The following ADAMTSL1 variants were observed in gnomAD, a reference collection of about 807,000 sequenced individuals.
The protein encoded by ADAMTSL1 is ADAMTS like 1, also known as ADAMTS-like protein 1.
Under a neutral mutation model 201.8 loss-of-function variants are expected in ADAMTSL1, and 126 were observed. The observed-to-expected ratio is 0.62, with a 90% CI of 0.54 to 0.72. The LOEUF (loss-of-function observed/expected upper bound fraction) is 0.72. Ranked by LOEUF, ADAMTSL1 falls within the 30% of genes least tolerant of loss-of-function variation. ADAMTSL1 has a pLI of 0.00. For missense variants in ADAMTSL1, 2,679 were observed against 2,277.8 expected, an observed-to-expected ratio of 1.18 and a Z score of -3.59; for synonymous variants, 1,121 against 903.4, an observed-to-expected ratio of 1.24 and a Z score of -4.32.
chr9:17,999,848 T>G (rs1183346805), intron 1 of ADAMTSL1, among the ~76,000 whole-genome samples: 1 of 149,978 alleles, frequency 6.7e-6, no homozygotes, highest in African/African-American at 2.5e-5. Context: ...AGTGAGAATA[T>G]GCGGTGTTTG....
intron 1 of ADAMTSL1, among the ~76,000 whole-genome samples, chr9:17,933,842 A>G (rs1459303660): frequency 1.3e-5 from 2 of 152,140 alleles, no homozygotes; most frequent in Non-Finnish European, 2.9e-5. Flanking sequence ...CCCTCTTTGA[A>G]CAATGGGGAT....
intron 1 of ADAMTSL1, among the ~76,000 whole-genome samples, chr9:17,963,282 A>T (rs535839754): frequency 4.5e-4 from 68 of 152,264 alleles, no homozygotes; most frequent in African/African-American, 1.6e-3. Flanking sequence ...TTGCTTTATC[A>T]TATATTTATT....
intron 2 of ADAMTSL1, among the ~76,000 whole-genome samples, chr9:18,168,274 C>T (rs1827723816): frequency 6.6e-6 from 1 of 151,978 alleles, no homozygotes; most frequent in Admixed American, 6.6e-5. Flanking sequence ...ATCCCTCACC[C>T]CTCCCCCAAC....
chr9:18,638,910 T>C (rs1827267344), intron 6 of ADAMTSL1, among the ~76,000 whole-genome samples: 1 of 152,000 alleles, frequency 6.6e-6, no homozygotes, highest in Non-Finnish European at 1.5e-5. Flanking sequence ...GCCATCAAGA[T>C]TGAAGTCAAA....
Position 18,908,513 on chromosome 9 carries a change from A to T in ADAMTSL1, c.5254A>T (p.Lys1752Ter). ...GAAACTCTGCCAACTCAGCCAGTTTAAATCTCGCTGCTGTGGAACTTGTGG... is the reference window on the plus strand; with the variant it reads ...GAAACTCTGCCAACTCAGCCAGTTTTAATCTCGCTGCTGTGGAACTTGTGG... ...QLKLCQLSQF[K>*]SRCCGTCGKA The change falls in exon 29 of 29, where the codon AAA (lysine) becomes TAA (stop). Residue 1752 changes from lysine to a stop codon, truncating the protein, a stop_gained. Coordinates refer to ENST00000380548, the MANE Select transcript of ADAMTSL1 (RefSeq NM_001040272.6). LOFTEE classifies it high-confidence loss of function. 1.3e-6 allele frequency: 2 copies of T among 1,563,736 alleles called. No homozygotes were observed. Among genetic ancestry groups the T allele is most frequent in the Non-Finnish European group, 1.7e-6 (2 of 1,154,090 alleles).
At chr9:18,501,652 C>G (rs922578400) in intron 1 of ADAMTSL1, among the ~76,000 whole-genome samples, 1 of 152,120 alleles carries the variant, frequency 6.6e-6, no homozygotes, top group African/African-American at 2.4e-5. Flanking sequence ...AAAGGCATCT[C>G]TAAAAAGTCA....
chr9:18,735,863 A>G (rs537244069), intron 15 of ADAMTSL1, among the ~76,000 whole-genome samples: 11 of 147,864 alleles, frequency 7.4e-5, no homozygotes. Flanking sequence ...AAGCTTATGT[A>G]ACTGATGCAC....
At chr9:18,464,495 A>G (rs1820926638) in intron 2 of ADAMTSL1, among the ~76,000 whole-genome samples, 1 of 152,258 alleles carries the variant, frequency 6.6e-6, no homozygotes, top group Admixed American at 6.5e-5. Context: ...AATAGAAGTG[A>G]TACATAAGAA....
chr9:18,190,339 A>G (rs1828921542), intron 2 of ADAMTSL1, among the ~76,000 whole-genome samples: 1 of 152,214 alleles, frequency 6.6e-6, no homozygotes, highest in African/African-American at 2.4e-5. Flanking sequence ...ATCCTTGACC[A>G]TTTAAATGGA....
chr9:18,239,637 A>C (rs564952094), intron 2 of ADAMTSL1, among the ~76,000 whole-genome samples: 28 of 152,092 alleles, frequency 1.8e-4, no homozygotes, highest in African/African-American at 6.8e-4. Flanking sequence ...AATCCTAGCT[A>C]CTCGGGAGGC....
rs755028893 is a variant in ADAMTSL1 at position 18,378,645 on chromosome 9, T to C, written c.208-126184T>C. On this transcript the variant is annotated intron_variant, in intron 2 of 29. Coordinates refer to the ADAMTSL1 transcript ENST00000680146. ...GCCTTTCTCCTCCTCTACCTACCCT[T>C]ATCAGCTTTCCCTCCTTCTTCCTTC... 1.3e-4 allele frequency among the ~76,000 whole-genome samples: 20 copies of C among 152,104 alleles called. 1 individual carries two copies. The highest frequency in any genetic ancestry group is 2.8e-4 in the Non-Finnish European group (19 of 68,004).
At chr9:18,159,332 G>C (rs892019272) in intron 1 of ADAMTSL1, among the ~76,000 whole-genome samples, 1 of 152,046 alleles carries the variant, frequency 6.6e-6, no homozygotes, top group Non-Finnish European at 1.5e-5. Context: ...CATGAGCTTG[G>C]CTATGATTCA....
rs191868237 is a variant in ADAMTSL1, at chr9:18,253,519, A to G, written c.207+89538A>G. Among the ~76,000 whole-genome samples, 9 of 152,330 alleles carry G rather than the reference A, an allele frequency of 5.9e-5. No homozygotes were observed. In the East Asian group the frequency reaches 1.7e-3, roughly 29 times the overall value. On this transcript the variant is annotated intron_variant, in intron 2 of 29. Coordinates refer to the ADAMTSL1 transcript ENST00000680146. ...AACTTCCACTTTCCCCCATTACTATAGGAAGCGTCGCTGATTACTTCCTAA... is the reference window on the plus strand; with the variant it reads ...AACTTCCACTTTCCCCCATTACTATGGGAAGCGTCGCTGATTACTTCCTAA...
intron 26 of ADAMTSL1, among the ~76,000 whole-genome samples, chr9:18,902,306 G>C (rs919799807): frequency 7.2e-5 from 11 of 152,070 alleles, no homozygotes; most frequent in African/African-American, 2.4e-4. Flanking sequence ...CAGAATACTT[G>C]TTTTTTCTCA....
chr9:18,751,042 T>C (rs1348581787), intron 15 of ADAMTSL1, among the ~76,000 whole-genome samples: 1 of 152,334 alleles, frequency 6.6e-6, no homozygotes, highest in East Asian at 1.9e-4. Flanking sequence ...GCATCACTTC[T>C]GCCTCATTCT....
chr9:18,014,649 C>G (rs914987168), intron 1 of ADAMTSL1, among the ~76,000 whole-genome samples: 49 of 152,114 alleles, frequency 3.2e-4, no homozygotes, highest in African/African-American at 1.1e-3. Flanking sequence ...TAGTTTTAAC[C>G]GTAGGTTTCA....
intron 1 of ADAMTSL1, among the ~76,000 whole-genome samples, chr9:18,029,302 T>A (rs1820831879): frequency 6.6e-6 from 1 of 152,154 alleles, no homozygotes; most frequent in Non-Finnish European, 1.5e-5. Context: ...AGGGAAAGGA[T>A]TTCCTATTTA....
intron 6 of ADAMTSL1, among the ~76,000 whole-genome samples, chr9:18,637,022 G>A (rs2132783077): frequency 1.3e-5 from 2 of 152,186 alleles, no homozygotes; most frequent in Middle Eastern, 6.8e-3. Flanking sequence ...ACAAATTGAA[G>A]CCCATAAAAG....
intron 9 of ADAMTSL1, among the ~76,000 whole-genome samples, chr9:18,663,759 G>C (rs1168614332): frequency 6.6e-6 from 1 of 152,080 alleles, no homozygotes; most frequent in Admixed American, 6.6e-5. Flanking sequence ...ATGGAAGAGA[G>C]TTATGTGAAA....
Sources: gnomAD v4.1 joint callset for allele counts (sites outside exome capture counted in the v4.1 genomes callset) on GRCh38, gnomAD v4.1.1 for gene constraint, MANE v1.5 for transcripts, NCBI Gene and HGNC (gene_info 2026-07-23, HGNC 2026-07-21) for gene names.